The following PPP2R3B variants were observed in gnomAD, a reference collection of about 807,000 sequenced individuals.
PPP2R3B encodes the protein serine/threonine-protein phosphatase 2A regulatory subunit B'' subunit beta.
Under a neutral mutation model 72.9 loss-of-function variants are expected in PPP2R3B, and 68 were observed. The observed-to-expected ratio is 0.93, with a 90% CI of 0.77 to 1.14. The LOEUF is 1.14. PPP2R3B is among the 50% of genes most tolerant of loss of function. The probability of loss-of-function intolerance (pLI) is 0.00; values close to 1 mark genes in which losing one functional copy is unlikely to be tolerated. For missense variants in PPP2R3B, 1,018 were observed against 842.0 expected (o/e 1.21, Z -2.59); for synonymous variants, 466 against 375.8 (o/e 1.24, Z -2.78).
chrX:334,436 C>T lies in PPP2R3B; in HGVS notation c.1659G>A (p.Ala553=), dbSNP rs772643552. 118 of 1,595,262 alleles carry T rather than the reference C, an allele frequency of 7.4e-5. No individual in the cohort carries two copies. The highest frequency in any genetic ancestry group is 2.4e-4 in the South Asian group (22 of 89,842). Residue 553 remains alanine (A), a synonymous_variant, in exon 13 of 13, where the codon GCG becomes GCA. Transcript: ENST00000390665. ...GGTCCACGGCGCCCAGCGGTGAGGG[C>T]GCCTCGAAGAAGGGCCTCTGGGCCA... is the stretch of plus-strand genomic sequence containing the variant. ...SPLAQRPFFE[A]PSPLGAVDLY...
At chrX:343,780 GGGGAGGGAGACCTCACCAAGGAGACGC>G (rs1367051429) in intron 7 of PPP2R3B, among the ~76,000 whole-genome samples, 1 of 16,158 alleles carries the variant, frequency 6.2e-5, no homozygotes, top group Non-Finnish European at 1.4e-4. Flanking sequence ...AACGGGAGGG[GGGGAGGGAGACCTCACCAAGGAGACGC>G]GGGAGTGAGA....
chrX:361,496 T>G lies in PPP2R3B; in HGVS notation c.419A>C (p.Asn140Thr). 1.2e-6 allele frequency: 2 copies of G among 1,613,980 alleles called. No homozygotes were observed. Among genetic ancestry groups the G allele is most frequent in the Non-Finnish European group, 1.7e-6 (2 of 1,179,858 alleles). Residue 140 changes from asparagine to threonine, a missense_variant, in exon 2 of 13, where the codon AAC (asparagine) becomes ACC (threonine). Coordinates refer to ENST00000390665, the MANE Select transcript of PPP2R3B (RefSeq NM_013239.5). ...GATCTTGCTGATGACGGCATCCACG[T>G]TGACGGAGTCCTGCGGGCGTCCTCT... ...FPRGRPQDSVNVDAVISKIES... is the reference protein window; with the variant it reads ...FPRGRPQDSVTVDAVISKIES...
At chrX:374,460 G>A (rs2071946323) in intron 1 of PPP2R3B, among the ~76,000 whole-genome samples, 1 of 152,220 alleles carries the variant, frequency 6.6e-6, no homozygotes, top group Admixed American at 6.5e-5. Context: ...CGTCTTCTCT[G>A]CCACTGCTCA....
chrX:383,899 G>A (rs1390874597), intron 1 of PPP2R3B, among the ~76,000 whole-genome samples: 1 of 138,166 alleles, frequency 7.2e-6, no homozygotes, highest in Non-Finnish European at 1.5e-5. Flanking sequence ...TAAGTTCCCA[G>A]TCATGACTGG....
chrX:379,279 CTGTG>C lies in PPP2R3B; in HGVS notation c.324+7085_324+7088del, dbSNP rs756217485. Among the ~76,000 whole-genome samples the C allele has an allele frequency of 1.1e-3, 153 of 142,368 alleles. 4 individuals carry two copies. The South Asian group carries it at 0.032, about 30-fold the overall frequency. The allele number at this position is 142,368 out of a possible 152,430, so 93.4% of individuals were successfully genotyped here. The stretch of plus-strand genomic sequence containing the variant: ...TATGGACCTATGTATGTGTATGCAC[CTGTG>C]TGTATGTATCTGTGTGTATGGACCT... On this transcript the variant is annotated intron_variant, in intron 1 of 12. Coordinates refer to ENST00000390665, the MANE Select transcript of PPP2R3B (RefSeq NM_013239.5).
chrX:361,634 C>T (rs756555017), intron 1 of PPP2R3B, 44 bp from the exon 2 acceptor site: 37 of 1,601,996 alleles, frequency 2.3e-5, no homozygotes, highest in Admixed American at 1.7e-4. Context: ...CTGGGAGCAT[C>T]GAACGCCTTC....
chrX:346,539 G>A, intron 5 of PPP2R3B, 162 bp downstream of exon 5: 1 of 707,314 alleles, frequency 1.4e-6, no homozygotes, highest in South Asian at 1.9e-5. Flanking sequence ...CCCAACACCG[G>A]GCTCCCGGGC....
chrX:340,515 C>T (rs1314135076), intron 10 of PPP2R3B, among the ~76,000 whole-genome samples: 1 of 125,402 alleles, frequency 8.0e-6, no homozygotes, highest in Non-Finnish European at 1.7e-5. Flanking sequence ...CACCCTGGGC[C>T]GTCCCCCCTC....
intron 2 of PPP2R3B, among the ~76,000 whole-genome samples, chrX:359,091 G>A (rs1448814797): frequency 2.6e-5 from 4 of 152,220 alleles, no homozygotes; most frequent in African/African-American, 9.6e-5. Flanking sequence ...CGAAGCGGAC[G>A]CAGCGCGTGA....
chrX:350,615 G>A (rs190386911), intron 2 of PPP2R3B, among the ~76,000 whole-genome samples: 52 of 152,340 alleles, frequency 3.4e-4, no homozygotes, highest in South Asian at 6.2e-4. Flanking sequence ...CAGCACTGGC[G>A]CCGGCGAGGG....
intron 1 of PPP2R3B, 134 bp from the exon 2 acceptor site, chrX:361,724 G>GC: frequency 1.0e-6 from 1 of 977,454 alleles, no homozygotes; most frequent in Non-Finnish European, 1.5e-6. Context: ...AGGACACACT[G>GC]CAATCCCTGC....
At chrX:351,236 G>A (rs927221117) in intron 2 of PPP2R3B, among the ~76,000 whole-genome samples, 65 of 152,286 alleles carry the variant, frequency 4.3e-4, no homozygotes, top group Non-Finnish European at 6.8e-4. Flanking sequence ...GTCCCGGTGC[G>A]GTGGGAGGGA....
At chrX:358,795 G>C (rs2738323) in intron 2 of PPP2R3B, among the ~76,000 whole-genome samples, 2 of 148,492 alleles carry the variant, frequency 1.3e-5, no homozygotes, top group Admixed American at 1.4e-4. Context: ...CGCGGAGGGG[G>C]GGTGGCCGCT....
chrX:386,176 G>A (rs1166139675), intron 1 of PPP2R3B, among the ~76,000 whole-genome samples, 192 bp downstream of exon 1: 3 of 149,074 alleles, frequency 2.0e-5, no homozygotes, highest in Non-Finnish European at 4.5e-5. Flanking sequence ...AACTGTCAAT[G>A]ACGGAATGTT....
chrX:351,014 G>A lies in PPP2R3B; in HGVS notation c.511-3321C>T, dbSNP rs575998673. On this transcript the variant is annotated intron_variant, in intron 2 of 12. Transcript: ENST00000390665. ...AGGTGCAGGGCGGGAGTGACCACGG[G>A]GGGGCGTGGGGGACTGCAGAGGGGG... is the stretch of plus-strand genomic sequence containing the variant. Among the ~76,000 whole-genome samples, 6 of 152,320 alleles carry A rather than the reference G, an allele frequency of 3.9e-5. No homozygotes were observed. The South Asian group carries it at 1.0e-3, about 26-fold the overall frequency.
intron 1 of PPP2R3B, among the ~76,000 whole-genome samples, chrX:370,614 G>A (rs1440576034): frequency 6.6e-6 from 1 of 152,198 alleles, no homozygotes; most frequent in Non-Finnish European, 1.5e-5. Flanking sequence ...CCGGGCTTCT[G>A]TTTCCCGTTA....
In PPP2R3B at chrX:369,854, T is replaced by C. The variant is rs777004446; in HGVS notation, c.325-8264A>G. Among the ~76,000 whole-genome samples, 991 of 152,320 alleles carry C rather than the reference T, an allele frequency of 6.5e-3. 4 individuals carry two copies. The highest frequency in any genetic ancestry group is 0.012 in the Non-Finnish European group (816 of 68,020). ...GCCGTGCCCCCAGGAGCCCCCGCTC[T>C]GCAGCGGCCCCCACTCTGCAGCGGG... On this transcript the variant is annotated intron_variant, in intron 1 of 12. Transcript: ENST00000390665.
intron 9 of PPP2R3B, 66 bp from the exon 10 acceptor site, chrX:341,006 G>A (rs2071053596): frequency 6.3e-7 from 1 of 1,581,314 alleles, no homozygotes; most frequent in Non-Finnish European, 8.6e-7. Flanking sequence ...TGCAGCCCCT[G>A]AGGCAGCCCC....
chrX:342,278 G>T, intron 7 of PPP2R3B: 1 of 437,498 alleles, frequency 2.3e-6, no homozygotes, highest in Non-Finnish European at 4.2e-6. Flanking sequence ...TCAACCAAAG[G>T]TTCACCAACG....
Sources: gnomAD v4.1 joint callset for allele counts (sites outside exome capture counted in the v4.1 genomes callset) on GRCh38, gnomAD v4.1.1 for gene constraint, MANE v1.5 for transcripts, NCBI Gene and HGNC (gene_info 2026-07-23, HGNC 2026-07-21) for gene names.